Variants in APOB observed in about 807,000 individuals in gnomAD.
APOB encodes the protein apolipoprotein B-100.
A neutral mutation model predicts 314.1 loss-of-function variants in APOB; 153 were observed. The ratio of observed to expected loss-of-function variants is 0.49; its 90% CI spans 0.43 to 0.56. The LOEUF (loss-of-function observed/expected upper bound fraction) is 0.56, where lower values mean the gene tolerates loss of function less well. Ranked by LOEUF, APOB falls within the 20% of genes least tolerant of loss-of-function variation. The probability of loss-of-function intolerance (pLI) is 0.00; values close to 1 mark genes in which losing one functional copy is unlikely to be tolerated. For missense variants in APOB, 5,430 were observed against 5,350.7 expected (o/e 1.01, Z -0.46); for synonymous variants, 2,087 against 2,036.4 (o/e 1.02, Z -0.67).
At position 21,009,833 on chromosome 2, in the gene APOB, G is replaced by A. The variant is rs368113811; in HGVS notation, c.7035C>T (p.Ile2345=). The part of the protein sequence containing the change: ...NAFRAKVHEL[I]ERYEVDQQIQ... ...TTTGTTGGTCTACTTCATACCTCTC[G>A]ATTAACTCATGGACTTTGGCTCTGA... Residue 2345 remains isoleucine, a synonymous_variant, in exon 26 of 29, where the codon ATC becomes ATT. Transcript: ENST00000233242. 12 of 1,613,810 alleles carry A rather than the reference G, an allele frequency of 7.4e-6. No homozygotes were observed. Among genetic ancestry groups the A allele is most frequent in the Admixed American group, 6.7e-5 (4 of 59,984 alleles).
intron 27 of APOB, 46 bp from the exon 28 acceptor site, chr2:21,004,498 A>T (rs780782765): frequency 6.2e-7 from 1 of 1,613,372 alleles, no homozygotes; most frequent in Admixed American, 1.7e-5. Context: ...GGGTATGGAG[A>T]TGAAGAAAAT....
rs557118503 is a variant in APOB at position 21,023,775 on chromosome 2, G to A, written c.2437-83C>T. Reference sequence around the variant, plus strand: ...TAATTACAACCTCCCATACATTGGAGAGTAATTCCTCTTTATCTGGAAAGG... The same window carrying A: ...TAATTACAACCTCCCATACATTGGAAAGTAATTCCTCTTTATCTGGAAAGG... On this transcript the variant is annotated intron_variant, in intron 16 of 28. Coordinates refer to ENST00000233242, the MANE Select transcript of APOB (RefSeq NM_000384.3). 4.3e-6 allele frequency: 5 copies of A among 1,168,200 alleles called. 1 individual carries two copies. The Admixed American group carries it at 7.3e-5, about 17-fold the overall frequency. The allele number at this position is 1,168,200 out of a possible 1,614,324, so 72.4% of individuals were successfully genotyped here.
chr2:21,033,358 C>G lies in APOB; in HGVS notation c.1065G>C (p.Leu355=). Residue 355 remains leucine (L), a synonymous_variant, in exon 9 of 29, where the codon CTG becomes CTC. Transcript: ENST00000233242. ...ANLFNKLVTE[L]RGLSDEAVTS... is the part of the protein sequence containing the mutation. The stretch of plus-strand genomic sequence containing the variant: ...TGACTGCTTCATCACTGAGGCCTCT[C>G]AGCTCAGTAACCAGCTTATTGAAGA... 3 of 1,614,178 alleles carry G rather than the reference C, an allele frequency of 1.9e-6. No individual in the cohort carries two copies. In the South Asian group the frequency reaches 3.3e-5, roughly 18 times the overall value.
rs1663249591 is a variant in APOB, at chr2:21,009,630, A to G, written c.7238T>C (p.Ile2413Thr). The G allele has an allele frequency of 2.5e-6, 4 of 1,613,794 alleles. No individual in the cohort carries two copies. The highest frequency in any genetic ancestry group is 2.2e-5 in the East Asian group (1 of 44,874). Residue 2413 changes from isoleucine to threonine, a missense_variant, in exon 26 of 29, where the codon ATT becomes ACT. By Grantham distance (89) the Ile-to-Thr change is moderately conservative (BLOSUM62 -1). This residue lies in a region of APOB where 3,281 missense variants were observed against 3,171.0 expected (regional missense o/e 1.03). Transcript: ENST00000233242. ...KLNELSFKTF[I>T]EDVNKFLDML... ...GTCAAGGAATTTGTTAACATCTTCA[A>G]TGAATGTTTTAAAAGATAATTCATT...
intron 12 of APOB, 29 bp from the exon 13 acceptor site, chr2:21,028,567 C>T (rs754577608): frequency 1.3e-6 from 2 of 1,514,672 alleles, no homozygotes; most frequent in Non-Finnish European, 1.8e-6. Flanking sequence ...ATGGTTATCA[C>T]TGTCCTGTGG....
chr2:21,010,599 A>T lies in APOB; in HGVS notation c.6269T>A (p.Val2090Asp). 1 of 1,614,098 alleles carries T rather than the reference A, an allele frequency of 6.2e-7. No homozygotes were observed. The highest frequency in any genetic ancestry group is 8.5e-7 in the Non-Finnish European group (1 of 1,179,986). ...GTTTCTCTGTACGTTTTCCAGTACA[A>T]CTATAATGGTTTGTCGATTCCTCTC... ...YFERNRQTII[V>D]VLENVQRNLK... is the part of the protein sequence containing the mutation. Residue 2090 changes from valine (V) to aspartate (D), a missense_variant, in exon 26 of 29, where the codon GTT becomes GAT. Val to Asp is a radical substitution (Grantham distance 152). This residue lies in a region of APOB where 3,281 missense variants were observed against 3,171.0 expected (regional missense o/e 1.03). Coordinates refer to ENST00000233242, the MANE Select transcript of APOB (RefSeq NM_000384.3).
At chr2:21,023,758 A>G (rs1663670348) in intron 16 of APOB, 66 bp from the exon 17 acceptor site, 3 of 1,372,236 alleles carry the variant, frequency 2.2e-6, no homozygotes, top group Non-Finnish European at 3.0e-6. Context: ...GTTAATTACA[A>G]CCTCCCATAC....
At chr2:21,038,895 C>T (rs1161598306) in intron 4 of APOB, among the ~76,000 whole-genome samples, 4 of 152,180 alleles carry the variant, frequency 2.6e-5, no homozygotes, top group Non-Finnish European at 5.9e-5. Flanking sequence ...CACAAAAATC[C>T]TTCTGAGTCA....
rs755811872 is a variant in APOB, at chr2:21,010,822, C to G, written c.6046G>C (p.Asp2016His). ...ATTGGGGAGTCTAGTAGAGTTAGGT[C>G]AGCCAGAGTTCGTCCAGTAAGCTCC... is the stretch of plus-strand genomic sequence containing the variant. ...GVELTGRTLA[D>H]LTLLDSPIKV... is the part of the protein sequence containing the mutation. Residue 2016 changes from aspartate to histidine, a missense_variant, in exon 26 of 29, where the codon GAC (aspartate) becomes CAC (histidine). By Grantham distance (81) the Asp-to-His change is moderately conservative. Coordinates refer to ENST00000233242, the MANE Select transcript of APOB (RefSeq NM_000384.3). The G allele has an allele frequency of 6.2e-7, 1 of 1,614,102 alleles. No homozygotes were observed. The highest frequency in any genetic ancestry group is 8.5e-7 in the Non-Finnish European group (1 of 1,180,008).
chr2:21,028,534 T>C lies in APOB; in HGVS notation c.1622A>G (p.Gln541Arg). Reference protein sequence around the residue: ...LRKMEPKDKDQEVLLQTFLDD... With the variant: ...LRKMEPKDKDREVLLQTFLDD... ...AAGGAAAGTCTGAAGAAGAACCTCC[T>C]GGTCCTGCAGTCAAAAGAGGAGATG... Residue 541 changes from glutamine to arginine, a missense_variant, in exon 13 of 29, where the codon CAG (glutamine) becomes CGG (arginine). Around this residue, in one of 3 missense-constraint regions of APOB, gnomAD observed 2,085 missense variants for 2,079.7 expected, o/e 1.00. Coordinates refer to ENST00000233242, the MANE Select transcript of APOB (RefSeq NM_000384.3). 1 of 1,609,900 alleles carries C rather than the reference T, an allele frequency of 6.2e-7. No homozygotes were observed. The highest frequency in any genetic ancestry group is 1.1e-5 in the South Asian group (1 of 91,036).
Position 21,010,885 on chromosome 2 carries a change from C to T in APOB, c.5983G>A (p.Asp1995Asn), listed in dbSNP as rs917338225. 3 of 1,613,970 alleles carry T rather than the reference C, an allele frequency of 1.9e-6. No individual in the cohort carries two copies. Among genetic ancestry groups the T allele is most frequent in the Non-Finnish European group, 2.5e-6 (3 of 1,180,012 alleles). Reference sequence around the variant, plus strand: ...TCTTTAGTGTTGTAAGCATCCAAGTCCTGGCTGTATTCATTGTTGTTAAAT... The same window carrying T: ...TCTTTAGTGTTGTAAGCATCCAAGTTCTGGCTGTATTCATTGTTGTTAAAT... ...TQFNNNEYSQ[D>N]LDAYNTKDKI... The change falls in exon 26 of 29, where the codon GAC becomes AAC. Residue 1995 changes from aspartate to asparagine, a missense_variant. This residue lies in a region of APOB where 3,281 missense variants were observed against 3,171.0 expected (regional missense o/e 1.03). Transcript: ENST00000233242.
rs72653098 is a variant in APOB at position 21,007,956 on chromosome 2, T to G, written c.8912A>C (p.Asn2971Thr). The change falls in exon 26 of 29, where the codon AAC (asparagine) becomes ACC (threonine). Residue 2971 changes from asparagine (N) to threonine (T), a missense_variant. By Grantham distance (65) the Asn-to-Thr change is moderately conservative. Coordinates refer to ENST00000233242, the MANE Select transcript of APOB (RefSeq NM_000384.3). The stretch of plus-strand genomic sequence containing the variant: ...GCCAGATTCATAAACCAAGTTTTGG[T>G]TTACTCTTAGGTGTTTGCTATTGAT... ...NKINSKHLRVNQNLVYESGSL... is the reference protein window; with the variant it reads ...NKINSKHLRVTQNLVYESGSL... 531 of 1,613,918 alleles carry G rather than the reference T, an allele frequency of 3.3e-4. 1 individual carries two copies. The Middle Eastern group carries it at 7.9e-3, about 24-fold the overall frequency.
intron 23 of APOB, 143 bp downstream of exon 23, chr2:21,014,930 T>A (rs1275496537): frequency 9.0e-6 from 8 of 889,362 alleles, no homozygotes; most frequent in East Asian, 2.5e-5. Context: ...CTTGTGAAAG[T>A]TTTTTTTTCT....
chr2:21,043,189 C>G (rs900901227), intron 2 of APOB, among the ~76,000 whole-genome samples: 3 of 151,802 alleles, frequency 2.0e-5, no homozygotes, highest in Non-Finnish European at 2.9e-5. Context: ...ATTTCCTCAC[C>G]CTCACATGCT....
chr2:21,041,451 G>C (rs566081239), intron 3 of APOB, among the ~76,000 whole-genome samples: 1 of 152,208 alleles, frequency 6.6e-6, no homozygotes, highest in South Asian at 2.1e-4. Context: ...ACAGAAAGCA[G>C]GAAGAGGGCC....
chr2:21,027,882 G>T lies in APOB; in HGVS notation c.2013C>A (p.Ser671Arg). Residue 671 changes from serine to arginine, a missense_variant, in exon 14 of 29, where the codon AGC becomes AGA. Ser to Arg is a moderately radical substitution (Grantham distance 110, BLOSUM62 -1). Coordinates refer to ENST00000233242, the MANE Select transcript of APOB (RefSeq NM_000384.3). ...FDPNNYLPKE[S>R]MLKTTLTAFG... ...AGGCAGTGAGGGTAGTTTTCAGCAT[G>T]CTTTCTTTAGGAAGGTAGTTATTTG... The T allele has an allele frequency of 6.2e-7, 1 of 1,614,182 alleles. No homozygotes were observed. The highest frequency in any genetic ancestry group is 8.5e-7 in the Non-Finnish European group (1 of 1,180,018).
chr2:21,012,049 C>G lies in APOB; in HGVS notation c.4819G>C (p.Glu1607Gln). ...AGCAGGCTGAAGAACCTCAATGACT[C>G]GTAATCAGCCTGATATTCAGAACGC... ...LLRSEYQADY[E>Q]SLRFFSLLSG... is the part of the protein sequence containing the mutation. Residue 1607 changes from glutamate to glutamine, a missense_variant, in exon 26 of 29, where the codon GAG becomes CAG. Glu to Gln is a conservative substitution (Grantham distance 29). Coordinates refer to ENST00000233242, the MANE Select transcript of APOB (RefSeq NM_000384.3). The G allele has an allele frequency of 5.6e-6, 9 of 1,614,146 alleles. No individual in the cohort carries two copies. The highest frequency in any genetic ancestry group is 7.6e-6 in the Non-Finnish European group (9 of 1,180,034).
intron 4 of APOB, among the ~76,000 whole-genome samples, chr2:21,040,024 C>T (rs867212405): frequency 5.3e-5 from 8 of 152,208 alleles, no homozygotes; most frequent in South Asian, 2.1e-4. Flanking sequence ...GGGAGGGACC[C>T]GGGGGGAGGT....
chr2:21,019,622 GACAGGGTCTTACA>G, intron 19 of APOB, 88 bp downstream of exon 19: 1 of 1,269,552 alleles, frequency 7.9e-7, no homozygotes, highest in Non-Finnish European at 1.1e-6. Context: ...GAAGGCTAGT[GACAGGGTCTTACA>G]ACACAGAGTA....
Sources: allele counts gnomAD v4.1 joint callset (sites outside exome capture counted in the v4.1 genomes callset), GRCh38; gene constraint gnomAD v4.1.1; regional missense constraint gnomAD v4.1.1; transcripts MANE v1.5; gene names NCBI Gene and HGNC (gene_info 2026-07-23, HGNC 2026-07-21).